DNAH9: variants seen among roughly 807,000 people sequenced by gnomAD.
DNAH9 encodes DNAH9 variant protein.
A neutral mutation model predicts 471.6 loss-of-function variants in DNAH9; 345 were observed. That is an observed-to-expected ratio of 0.73 (90% CI 0.67 to 0.80). The LOEUF (loss-of-function observed/expected upper bound fraction) is 0.80, where lower values mean the gene tolerates loss of function less well. Ranked by LOEUF, DNAH9 falls within the 30% of genes least tolerant of loss-of-function variation. DNAH9 has a pLI of 0.00. For synonymous variants in DNAH9, 2,093 were observed against 2,123.6 expected, an observed-to-expected ratio of 0.99 and a Z score of 0.40; for missense variants, 5,407 against 5,609.2, an observed-to-expected ratio of 0.96 and a Z score of 1.15.
intron 8 of DNAH9, 92 bp from the exon 9 acceptor site, chr17:11,636,542 A>G: frequency 1.0e-6 from 1 of 953,974 alleles, no homozygotes; most frequent in Non-Finnish European, 1.6e-6. Flanking sequence ...ATTGGTAGGC[A>G]TATAAAGGAA....
At chr17:11,739,654 C>CATT (rs2075403514) in intron 29 of DNAH9, among the ~76,000 whole-genome samples, 1 of 152,186 alleles carries the variant, frequency 6.6e-6, no homozygotes, top group Non-Finnish European at 1.5e-5. Flanking sequence ...CGTAGCGACG[C>CATT]ATGAGAGCAC....
In DNAH9 at chr17:11,710,057, C is replaced by T. The variant is rs185008406; in HGVS notation, c.5552+4872C>T. ...TCTGTACAAAAGAAAATAAAAGTCA[C>T]CCATAGATAGCCATTGTTAATATGT... On this transcript the variant is annotated intron_variant, in intron 26 of 68. Transcript: ENST00000262442. Among the ~76,000 whole-genome samples, 90 of 152,228 alleles carry T rather than the reference C, an allele frequency of 5.9e-4. 1 individual carries two copies. In the East Asian group the frequency reaches 0.014, roughly 24 times the overall value.
rs1173978917 is a variant in DNAH9 at position 11,881,278 on chromosome 17, G to A, written c.10671G>A (p.Leu3557=). 6.2e-7 allele frequency: 1 copy of A among 1,614,136 alleles called. No individual in the cohort carries two copies. The highest frequency in any genetic ancestry group is 1.7e-5 in the Admixed American group (1 of 60,026). The part of the protein sequence containing the change: ...PKFRLILHTK[L]ANPHYQPELQ... The stretch of plus-strand genomic sequence containing the variant: ...TCCGGCTCATCCTCCACACCAAGCT[G>A]GCTAATCCTCACTACCAGCCTGAGC... The change falls in exon 55 of 69, where the codon CTG becomes CTA. Residue 3557 remains leucine, a synonymous_variant. Coordinates refer to ENST00000262442, the MANE Select transcript of DNAH9 (RefSeq NM_001372.4).
In DNAH9 at chr17:11,932,374, T is replaced by C. The variant is rs987191441; in HGVS notation, c.12297+169T>C. ...ATTCGGGGACCATAATTTAAGAGTG[T>C]AACACATGGTCATGTTCCAAGCCCC... On this transcript the variant is annotated intron_variant, in intron 64 of 68. Transcript: ENST00000262442. This position sits in a 1 kb window ranked among gnomAD's most constrained non-coding sequence, Gnocchi z 4.3. 6.6e-6 allele frequency among the ~76,000 whole-genome samples: 1 copy of C among 152,130 alleles called. No individual in the cohort carries two copies. The highest frequency in any genetic ancestry group is 2.4e-5 in the African/African-American group (1 of 41,426).
At chr17:11,943,710 G>GT (rs1366761482) in intron 67 of DNAH9, among the ~76,000 whole-genome samples, 68 of 151,920 alleles carry the variant, frequency 4.5e-4, no homozygotes, top group African/African-American at 1.6e-3. Context: ...CAAGGTTAGG[G>GT]TTTTTTTTGT....
At chr17:11,968,612 G>C (rs200720059) in intron 68 of DNAH9, among the ~76,000 whole-genome samples, 1 of 152,212 alleles carries the variant, frequency 6.6e-6, no homozygotes, top group African/African-American at 2.4e-5. Context: ...AGTGTATGTT[G>C]TAAAACGTCA....
At chr17:11,730,325 A>G (rs142700490) in intron 28 of DNAH9, among the ~76,000 whole-genome samples, 1 of 152,284 alleles carries the variant, frequency 6.6e-6, no homozygotes, top group East Asian at 1.9e-4. Flanking sequence ...AAATTCTACA[A>G]ATCAAGGGCG....
Position 11,694,419 on chromosome 17 carries a change from T to C in DNAH9, c.4844T>C (p.Ile1615Thr). ...YFLSSSDLLDILSNGTAPQQV... is the reference protein window; with the variant it reads ...YFLSSSDLLDTLSNGTAPQQV... The stretch of plus-strand genomic sequence containing the variant: ...CTCTCCTCCTCCGATCTGTTAGACA[T>C]CCTTTCCAACGGCACAGCTCCACAA... The change falls in exon 22 of 69, where the codon ATC (isoleucine) becomes ACC (threonine). Residue 1615 changes from isoleucine to threonine, a missense_variant. By Grantham distance (89) the Ile-to-Thr change is moderately conservative. Coordinates refer to ENST00000262442, the MANE Select transcript of DNAH9 (RefSeq NM_001372.4). 6.2e-7 allele frequency: 1 copy of C among 1,612,994 alleles called. No homozygotes were observed. Among genetic ancestry groups the C allele is most frequent in the Non-Finnish European group, 8.5e-7 (1 of 1,179,766 alleles).
intron 59 of DNAH9, 116 bp downstream of exon 59, chr17:11,894,612 T>A: frequency 7.3e-7 from 1 of 1,374,588 alleles, no homozygotes; most frequent in Non-Finnish European, 9.9e-7. Flanking sequence ...GGAGCTGTGT[T>A]AAACATAGGC....
At chr17:11,784,146 A>T (rs768671771) in intron 40 of DNAH9, among the ~76,000 whole-genome samples, 154 bp from the exon 41 acceptor site, 6 of 152,152 alleles carry the variant, frequency 3.9e-5, no homozygotes, top group Non-Finnish European at 7.3e-5. Context: ...TAGTCATTTT[A>T]GGTTCAACCT....
intron 37 of DNAH9, 120 bp downstream of exon 37, chr17:11,768,746 C>T (rs1037312725): frequency 1.6e-6 from 2 of 1,242,386 alleles, no homozygotes; most frequent in East Asian, 4.8e-5. Context: ...CTAGTCATCC[C>T]CAGCTCCATG....
rs1256644860 is a variant in DNAH9 at position 11,793,744 on chromosome 17, C to G, written c.8223+80C>G. ...ACAGATGATCACCCAATGATAAAATCTAGCTGTTTAATGGAGAAAGGCCAG... is the reference window on the plus strand; with the variant it reads ...ACAGATGATCACCCAATGATAAAATGTAGCTGTTTAATGGAGAAAGGCCAG... On this transcript the variant is annotated intron_variant, in intron 42 of 68. Coordinates refer to ENST00000262442, the MANE Select transcript of DNAH9 (RefSeq NM_001372.4). 69 of 1,217,800 alleles carry G rather than the reference C, an allele frequency of 5.7e-5. No homozygotes were observed. The South Asian group carries it at 9.7e-4, about 17-fold the overall frequency. The allele number at this position is 1,217,800 out of a possible 1,614,324, so 75.4% of individuals were successfully genotyped here.
chr17:11,714,716 G>A (rs889771162), intron 26 of DNAH9, among the ~76,000 whole-genome samples: 9 of 152,280 alleles, frequency 5.9e-5, no homozygotes, highest in South Asian at 2.1e-4. Flanking sequence ...TCCCCAGCCA[G>A]CAGAAGGGGA....
chr17:11,762,873 G>A (rs1295245568), intron 35 of DNAH9, among the ~76,000 whole-genome samples: 1 of 140,834 alleles, frequency 7.1e-6, no homozygotes, highest in Non-Finnish European at 1.5e-5. Flanking sequence ...TCCGCCTCCC[G>A]GGTTCACGCC....
In DNAH9 at chr17:11,701,149, G is replaced by C. The variant is rs2074586959; in HGVS notation, c.5053G>C (p.Gly1685Arg). 1 of 1,614,096 alleles carries C rather than the reference G, an allele frequency of 6.2e-7. No individual in the cohort carries two copies. Reference sequence around the variant, plus strand: ...AGAAATATGGCTGAACCATGTCCTTGGTCACATGAAGGCCACTGTGAGGCA... The same window carrying C: ...AGAAATATGGCTGAACCATGTCCTTCGTCACATGAAGGCCACTGTGAGGCA... The part of the protein sequence containing the change: ...QVEIWLNHVL[G>R]HMKATVRHEM... The change falls in exon 24 of 69, where the codon GGT becomes CGT. Residue 1685 changes from glycine to arginine, a missense_variant. Coordinates refer to ENST00000262442, the MANE Select transcript of DNAH9 (RefSeq NM_001372.4).
rs1974540148 is a variant in DNAH9, at chr17:11,932,212, G to A, written c.12297+7G>A. 6.2e-7 allele frequency: 1 copy of A among 1,611,232 alleles called. No individual in the cohort carries two copies. ...CCTGGAGGCCAACGCAAAGGTAAAG[G>A]CCATGGACATTCAGGGACCAGCCAG... On this transcript the variant is annotated splice_region_variant and intron_variant, in intron 64 of 68. Coordinates refer to ENST00000262442, the MANE Select transcript of DNAH9 (RefSeq NM_001372.4). This position sits in a 1 kb window ranked among gnomAD's most constrained non-coding sequence, Gnocchi z 4.3.
chr17:11,947,760 G>C (rs1327693299), intron 67 of DNAH9, among the ~76,000 whole-genome samples: 3 of 150,850 alleles, frequency 2.0e-5, no homozygotes. Context: ...AATCTGGGAG[G>C]GGCTGGGAAC....
In DNAH9 at chr17:11,881,402, G is replaced by C; in HGVS notation, c.10795G>C (p.Glu3599Gln). Residue 3599 changes from glutamate (E) to glutamine (Q), a missense_variant, in exon 55 of 69, where the codon GAG (glutamate) becomes CAG (glutamine). Physicochemically the swap from Glu to Gln is conservative, Grantham distance 29. This residue lies in a region of DNAH9 where 4,636 missense variants were observed against 4,900.3 expected (regional missense o/e 0.95). Transcript: ENST00000262442. Reference protein sequence around the residue: ...AVVSMERPDLEQLKSDLTKQQ... With the variant: ...AVVSMERPDLQQLKSDLTKQQ... The stretch of plus-strand genomic sequence containing the variant: ...GGTCAGCATGGAGAGGCCAGACTTG[G>C]AGCAGCTGAAGGTGAGGACAGAAGG... 6.2e-7 allele frequency: 1 copy of C among 1,612,910 alleles called. No individual in the cohort carries two copies. Among genetic ancestry groups the C allele is most frequent in the Non-Finnish European group, 8.5e-7 (1 of 1,179,658 alleles).
chr17:11,850,575 C>T (rs879801839), intron 49 of DNAH9, among the ~76,000 whole-genome samples: 10 of 150,034 alleles, frequency 6.7e-5, no homozygotes, highest in Admixed American at 2.7e-4. Context: ...CGCCTGAACC[C>T]GGGAGGTGGA....
Sources: allele counts gnomAD v4.1 joint callset (sites outside exome capture counted in the v4.1 genomes callset), GRCh38; gene constraint gnomAD v4.1.1; regional missense constraint gnomAD v4.1.1; non-coding constraint Gnocchi (gnomAD v3.1); transcripts MANE v1.5; gene names NCBI Gene and HGNC (gene_info 2026-07-23, HGNC 2026-07-21).